The following NTM variants were observed in gnomAD, a reference collection of about 807,000 sequenced individuals.
NTM encodes the protein neurotrimin, also known as IgLON family member 2.
In NTM, 13 loss-of-function variants were observed where a neutral mutation model predicts 42.1. That is an observed-to-expected ratio of 0.31 (90% confidence interval 0.20 to 0.49). NTM has a LOEUF of 0.49. NTM is among the 20% of genes least tolerant of loss of function. The pLI, the probability that NTM is intolerant of heterozygous loss-of-function variation, is 0.99. For synonymous variants in NTM, 187 were observed against 179.2 expected, an observed-to-expected ratio of 1.04 and a Z score of -0.35; for missense variants, 373 against 452.8, an observed-to-expected ratio of 0.82 and a Z score of 1.60.
At chr11:132,175,055 G>A (rs770497929) in intron 3 of NTM, among the ~76,000 whole-genome samples, 1 of 152,138 alleles carries the variant, frequency 6.6e-6, no homozygotes, top group Non-Finnish European at 1.5e-5. Context: ...GCAGCATTCG[G>A]TCTTGGAATG....
At chr11:131,817,882 C>T (rs2093016443) in intron 1 of NTM, among the ~76,000 whole-genome samples, 1 of 152,254 alleles carries the variant, frequency 6.6e-6, no homozygotes, top group Non-Finnish European at 1.5e-5. Context: ...AGCTGAGAGG[C>T]CCTTGGGGCT....
intron 1 of NTM, among the ~76,000 whole-genome samples, chr11:131,466,177 C>T (rs1239181427): frequency 6.6e-6 from 1 of 152,136 alleles, no homozygotes; most frequent in East Asian, 1.9e-4. Context: ...AAGGAGCCCA[C>T]AAGATAAATC....
chr11:132,248,622 A>G (rs1245332901), intron 4 of NTM, among the ~76,000 whole-genome samples: 1 of 152,204 alleles, frequency 6.6e-6, no homozygotes, highest in Non-Finnish European at 1.5e-5. Flanking sequence ...ATCGGAAGCC[A>G]AGGTCTGGAA....
chr11:131,488,091 A>C (rs530263704), intron 1 of NTM, among the ~76,000 whole-genome samples: 5 of 152,264 alleles, frequency 3.3e-5, no homozygotes, highest in African/African-American at 1.2e-4. Flanking sequence ...CAGACTCTAT[A>C]CCTACAGGGG....
intron 1 of NTM, among the ~76,000 whole-genome samples, chr11:131,741,529 C>T (rs575310667): frequency 9.9e-5 from 15 of 152,098 alleles, no homozygotes; most frequent in African/African-American, 1.7e-4. Flanking sequence ...ATGGATTTTC[C>T]GGTAGAAATG....
chr11:131,900,645 G>A (rs1402168930), intron 1 of NTM, among the ~76,000 whole-genome samples: 2 of 152,062 alleles, frequency 1.3e-5, no homozygotes. Flanking sequence ...GACTGAGAGA[G>A]AGAAAGAGGG....
At chr11:132,182,345 G>A (rs1370789600) in intron 3 of NTM, among the ~76,000 whole-genome samples, 1 of 152,114 alleles carries the variant, frequency 6.6e-6, no homozygotes, top group African/African-American at 2.4e-5. Context: ...ACTAGCTAAG[G>A]TTGCATGCTC....
At chr11:132,088,037 C>T (rs989460886) in intron 2 of NTM, among the ~76,000 whole-genome samples, 2 of 152,182 alleles carry the variant, frequency 1.3e-5, no homozygotes, top group African/African-American at 2.4e-5. Context: ...AGCCATGCAC[C>T]CCAGCCAAGA....
At chr11:131,762,402 A>G (rs1053891514) in intron 1 of NTM, among the ~76,000 whole-genome samples, 5 of 152,234 alleles carry the variant, frequency 3.3e-5, no homozygotes, top group South Asian at 2.1e-4. Context: ...TGGAGACAAA[A>G]TGACGACAGA....
chr11:131,757,017 C>A (rs997430046), intron 1 of NTM, among the ~76,000 whole-genome samples: 13 of 152,202 alleles, frequency 8.5e-5, no homozygotes, highest in African/African-American at 3.1e-4. Flanking sequence ...TCAAATGCCA[C>A]CTCAGAGCCC....
At chr11:131,429,975 G>A (rs1244260852) in intron 1 of NTM, among the ~76,000 whole-genome samples, 1 of 152,166 alleles carries the variant, frequency 6.6e-6, no homozygotes, top group Admixed American at 6.5e-5. Context: ...ACTGTATCTT[G>A]TTCAGTATAC....
intron 1 of NTM, among the ~76,000 whole-genome samples, chr11:131,493,761 CTT>C (rs1445446063): frequency 1.3e-5 from 2 of 152,166 alleles, no homozygotes; most frequent in East Asian, 3.8e-4. Flanking sequence ...GCCCCAGAAA[CTT>C]TTTGCTACAC....
intron 1 of NTM, among the ~76,000 whole-genome samples, chr11:131,403,106 G>A (rs1193602392): frequency 6.6e-6 from 1 of 152,080 alleles, no homozygotes; most frequent in East Asian, 1.9e-4. Flanking sequence ...AGATTTTTAG[G>A]CCTCCTGAAT....
intron 2 of NTM, among the ~76,000 whole-genome samples, chr11:131,996,996 G>A (rs934418990): frequency 6.6e-6 from 1 of 152,134 alleles, no homozygotes; most frequent in African/African-American, 2.4e-5. Context: ...ACAACCCATA[G>A]CCTCCATGAT....
chr11:131,852,724 C>T (rs976197935), intron 1 of NTM, among the ~76,000 whole-genome samples: 2 of 152,126 alleles, frequency 1.3e-5, no homozygotes, highest in Non-Finnish European at 2.9e-5. Flanking sequence ...TGTCTATACC[C>T]ACCCACCGAT....
intron 1 of NTM, among the ~76,000 whole-genome samples, chr11:131,730,910 G>A (rs2079594619): frequency 6.6e-6 from 1 of 152,126 alleles, no homozygotes; most frequent in East Asian, 1.9e-4. Context: ...CCAGCTCCAG[G>A]AGCCAGACAG....
intron 2 of NTM, among the ~76,000 whole-genome samples, chr11:132,032,108 T>A (rs537373972): frequency 6.6e-6 from 1 of 152,210 alleles, no homozygotes; most frequent in African/African-American, 2.4e-5. Context: ...GACTCTATGC[T>A]GCTGACTCCA....
intron 1 of NTM, among the ~76,000 whole-genome samples, chr11:131,431,752 A>G (rs900892540): frequency 1.3e-5 from 2 of 152,154 alleles, no homozygotes; most frequent in Non-Finnish European, 2.9e-5. Flanking sequence ...GACCCTCTCA[A>G]GGTTACACAG....
intron 1 of NTM, among the ~76,000 whole-genome samples, chr11:131,886,996 T>C (rs2050514392): frequency 6.6e-6 from 1 of 152,210 alleles, no homozygotes; most frequent in African/African-American, 2.4e-5. Flanking sequence ...TAAGGTCAAA[T>C]AGGCAGCTGG....
Sources: allele counts gnomAD v4.1 joint callset (sites outside exome capture counted in the v4.1 genomes callset), GRCh38; gene constraint gnomAD v4.1.1; transcripts MANE v1.5; gene names NCBI Gene and HGNC (gene_info 2026-07-23, HGNC 2026-07-21).